COL18A1: variants seen among roughly 807,000 people sequenced by gnomAD.
COL18A1 encodes the protein collagen alpha-1(XVIII) chain.
A neutral mutation model predicts 168.0 loss-of-function variants in COL18A1; 133 were observed. The ratio of observed to expected loss-of-function variants is 0.79; its 90% CI spans 0.69 to 0.91. COL18A1 has a LOEUF of 0.91. Ranked by LOEUF, COL18A1 falls within the 40% of genes least tolerant of loss-of-function variation. COL18A1 has a pLI of 0.00. For missense variants in COL18A1, 2,126 were observed against 1,925.4 expected, an observed-to-expected ratio of 1.10 and a Z score of -1.95; for synonymous variants, 949 against 809.0, an observed-to-expected ratio of 1.17 and a Z score of -2.94.
At chr21:45,437,616 ACT>A (rs1168960098) in intron 2 of COL18A1, among the ~76,000 whole-genome samples, 1 of 62,740 alleles carries the variant, frequency 1.6e-5, no homozygotes, top group Non-Finnish European at 2.7e-5. Flanking sequence ...ACACACAGGC[ACT>A]CTCCTGCACA....
chr21:45,479,882 C>T lies in COL18A1; in HGVS notation c.1249-20C>T, dbSNP rs1254242257. ...ATGGTGGTGCCTTCCCTGACCGGGC[C>T]CCCGGATGTTGTGTTCCAGGGCGAC... On this transcript the variant is annotated intron_variant, in intron 9 of 41. Coordinates refer to ENST00000651438, the MANE Select transcript of COL18A1 (RefSeq NM_001379500.1). The T allele has an allele frequency of 6.2e-7, 1 of 1,613,376 alleles. No individual in the cohort carries two copies. Among genetic ancestry groups the T allele is most frequent in the Non-Finnish European group, 8.5e-7 (1 of 1,179,924 alleles).
rs376868429 is a variant in COL18A1, at chr21:45,446,847, A to T, written c.107-21395A>T. On this transcript the variant is annotated intron_variant, in intron 2 of 41. Transcript: ENST00000651438. ...CCCAGGAATTCAAGGTTGGTTTAACACTTGAAAATCAATGTAATACATCAT... is the reference window on the plus strand; with the variant it reads ...CCCAGGAATTCAAGGTTGGTTTAACTCTTGAAAATCAATGTAATACATCAT... Among the ~76,000 whole-genome samples, 12 of 152,392 alleles carry T rather than the reference A, an allele frequency of 7.9e-5. No individual in the cohort carries two copies. In the South Asian group the frequency reaches 1.2e-3, roughly 16 times the overall value.
At position 45,471,944 on chromosome 21, in the gene COL18A1, G is replaced by A. The variant is rs948159542; in HGVS notation, c.652-1951G>A. On this transcript the variant is annotated intron_variant, in intron 3 of 41. Transcript: ENST00000651438. This position sits in a 1 kb window ranked among gnomAD's most constrained non-coding sequence, Gnocchi z 4.4. ...CACTAGCGCCTCCTGCCCCACCCCC[G>A]GAGCCAGCGGCCACCACGGGCTCAG... Among the ~76,000 whole-genome samples, 12 of 151,848 alleles carry A rather than the reference G, an allele frequency of 7.9e-5. No homozygotes were observed. The highest frequency in any genetic ancestry group is 1.7e-4 in the African/African-American group (7 of 41,312).
At chr21:45,448,900 T>C (rs912337954) in intron 2 of COL18A1, among the ~76,000 whole-genome samples, 1 of 152,016 alleles carries the variant, frequency 6.6e-6, no homozygotes. Context: ...AACGTGGCAG[T>C]CCAGCTGGGT....
intron 2 of COL18A1, chr21:45,424,850 G>A (rs2145769022): frequency 6.6e-6 from 1 of 152,562 alleles, no homozygotes; most frequent in Non-Finnish European, 1.5e-5. Flanking sequence ...CCATTGCTCA[G>A]GCACTGCCTC....
intron 2 of COL18A1, among the ~76,000 whole-genome samples, chr21:45,412,039 G>A (rs889018915): frequency 3.3e-5 from 5 of 151,776 alleles, no homozygotes; most frequent in Admixed American, 6.6e-5. Context: ...ACTTTTTCAC[G>A]CACTAAGGGG....
At chr21:45,436,676 T>C (rs1457711114) in intron 2 of COL18A1, among the ~76,000 whole-genome samples, 1 of 55,160 alleles carries the variant, frequency 1.8e-5, no homozygotes, top group South Asian at 5.9e-4. Flanking sequence ...GGAGGGGGTC[T>C]GGTGGGGAGG....
rs552086085 is a variant in COL18A1, at chr21:45,513,016, G to A, written c.*618G>A. The A allele has an allele frequency of 9.3e-5, 15 of 160,572 alleles. No homozygotes were observed. Among genetic ancestry groups the A allele is most frequent in the Admixed American group, 2.9e-4 (5 of 17,196 alleles). The allele number at this position is 160,572 out of a possible 1,614,324, so 9.9% of individuals were successfully genotyped here. On this transcript the variant is annotated 3_prime_UTR_variant, in exon 42 of 42. Coordinates refer to ENST00000651438, the MANE Select transcript of COL18A1 (RefSeq NM_001379500.1). ...GAAGCAGGTTCCCAAGCTCAGAGGC[G>A]CACTGTGACCCCCAGCTCCGGCCTG...
rs1207056321 is a variant in COL18A1, at chr21:45,433,741, C to G, written c.106+28268C>G. On this transcript the variant is annotated intron_variant, in intron 2 of 41. Coordinates refer to ENST00000651438, the MANE Select transcript of COL18A1 (RefSeq NM_001379500.1). ...TAATTTTCTTTACACTGACAGGCAG[C>G]ATCTCTTTGGCCAGCCGTGTGACTG... Among the ~76,000 whole-genome samples, 4 of 152,224 alleles carry G rather than the reference C, an allele frequency of 2.6e-5. No individual in the cohort carries two copies. The East Asian group carries it at 7.7e-4, about 29-fold the overall frequency.
rs1279659818 is a variant in COL18A1 at position 45,509,384 on chromosome 21, C to T, written c.3278C>T (p.Pro1093Leu). The change falls in exon 39 of 42, where the codon CCC becomes CTC. Residue 1093 changes from proline (P) to leucine (L), a missense_variant. By Grantham distance (98) the Pro-to-Leu change is moderately conservative. Transcript: ENST00000651438. Reference protein sequence around the residue: ...TDNEVAALQPPVVQLHDSNPY... With the variant: ...TDNEVAALQPLVVQLHDSNPY... ...AATGAAGTGGCCGCCTTGCAGCCCCCCGTGGTGCAGCTGCACGACAGCAAC... is the reference window on the plus strand; with the variant it reads ...AATGAAGTGGCCGCCTTGCAGCCCCTCGTGGTGCAGCTGCACGACAGCAAC... 2 of 1,540,294 alleles carry T rather than the reference C, an allele frequency of 1.3e-6. No homozygotes were observed. The highest frequency in any genetic ancestry group is 2.0e-4 in the Middle Eastern group (1 of 5,088).
intron 2 of COL18A1, among the ~76,000 whole-genome samples, chr21:45,413,190 G>T (rs1359295753): frequency 6.6e-6 from 1 of 152,228 alleles, no homozygotes; most frequent in Non-Finnish European, 1.5e-5. Context: ...GGACTGGTTT[G>T]CAACGTGAGT....
chr21:45,488,431 T>G lies in COL18A1; in HGVS notation c.1910T>G (p.Leu637Arg). Residue 637 changes from leucine to arginine, a missense_variant, in exon 18 of 42, where the codon CTG becomes CGG. Transcript: ENST00000651438. ...SADGPQGPPG[L>R]PGLKGDPGVP... The stretch of plus-strand genomic sequence containing the variant: ...CTGCCCTGACAGGGACCTCCCGGCC[T>G]GCCGGGACTTAAGGTCAGTGACGGA... The G allele has an allele frequency of 6.2e-7, 1 of 1,613,892 alleles. No individual in the cohort carries two copies. The highest frequency in any genetic ancestry group is 8.5e-7 in the Non-Finnish European group (1 of 1,180,006).
chr21:45,490,646 G>A (rs1218615141), intron 20 of COL18A1, among the ~76,000 whole-genome samples, 190 bp from the exon 21 acceptor site: 5 of 133,898 alleles, frequency 3.7e-5, no homozygotes, highest in East Asian at 2.1e-4. Flanking sequence ...CTGGGCCTCC[G>A]TGTGCCCACT....
chr21:45,422,911 C>T (rs866666774), intron 2 of COL18A1, among the ~76,000 whole-genome samples: 17 of 152,248 alleles, frequency 1.1e-4, no homozygotes, highest in South Asian at 4.1e-4. Flanking sequence ...CCTCAGCCTC[C>T]CGAGTAGCTG....
chr21:45,494,958 G>T, intron 28 of COL18A1, 43 bp downstream of exon 28: 1 of 1,569,772 alleles, frequency 6.4e-7, no homozygotes, highest in East Asian at 2.3e-5. Context: ...GATGGGGTCT[G>T]GCAGGTGGGG....
At position 45,421,390 on chromosome 21, in the gene COL18A1, C is replaced by T. The variant is rs144776534; in HGVS notation, c.106+15917C>T. ...CTGGGAAGGGAAGGAGAGGGCACTG[C>T]GGTGCCTGGAGAGCCAGAGTCCGCC... is the stretch of plus-strand genomic sequence containing the variant. On this transcript the variant is annotated intron_variant, in intron 2 of 41. Transcript: ENST00000651438. The T allele has an allele frequency of 4.4e-4, 237 of 532,900 alleles. 1 individual carries two copies. Among genetic ancestry groups the T allele is most frequent in the South Asian group, 2.9e-3 (204 of 71,366 alleles). The allele number at this position is 532,900 out of a possible 1,614,324, so 33.0% of individuals were successfully genotyped here.
At chr21:45,505,484 C>G (rs1410925821) in intron 36 of COL18A1, 53 bp downstream of exon 36, 1 of 905,646 alleles carries the variant, frequency 1.1e-6, no homozygotes, top group Admixed American at 2.0e-5. Context: ...CTGGCTGGTT[C>G]TGCAGCCCCT....
At chr21:45,452,623 C>CT (rs1259476346) in intron 2 of COL18A1, among the ~76,000 whole-genome samples, 1 of 142,762 alleles carries the variant, frequency 7.0e-6, no homozygotes, top group African/African-American at 2.6e-5. Flanking sequence ...GCATTTGTAT[C>CT]TGACATGTAA....
At chr21:45,405,957 G>T (rs1032479766) in intron 2 of COL18A1, among the ~76,000 whole-genome samples, 1 of 151,854 alleles carries the variant, frequency 6.6e-6, no homozygotes. Context: ...TGTCCCCGCC[G>T]CCCTCAGGCC....
Sources: gnomAD v4.1 joint callset for allele counts (sites outside exome capture counted in the v4.1 genomes callset) on GRCh38, gnomAD v4.1.1 for gene constraint, Gnocchi (gnomAD v3.1) non-coding constraint, MANE v1.5 for transcripts, NCBI Gene and HGNC (gene_info 2026-07-23, HGNC 2026-07-21) for gene names.